The following FCHSD1 variants were observed in gnomAD, a reference collection of about 807,000 sequenced individuals.
The protein encoded by FCHSD1 is FCH and double SH3 domains 1.
A neutral mutation model predicts 101.3 loss-of-function variants in FCHSD1; 109 were observed. The observed-to-expected ratio is 1.08, with a 90% CI of 0.92 to 1.26. FCHSD1 has a LOEUF of 1.26. Among genes scored for constraint, FCHSD1 ranks in the 50% most tolerant of loss-of-function variants. The pLI, the probability that FCHSD1 is intolerant of heterozygous loss-of-function variation, is 0.00. For synonymous variants in FCHSD1, 291 were observed against 356.8 expected, an observed-to-expected ratio of 0.82 and a Z score of 2.08; for missense variants, 820 against 895.8, an observed-to-expected ratio of 0.92 and a Z score of 1.08.
Position 141,641,020 on chromosome 5 carries a change from C to T in FCHSD1, c.*478G>A. The stretch of plus-strand genomic sequence containing the variant: ...CAAGAGGCCCAGGCCCTGGCCTGGC[C>T]TTCGTGCCCTTTATTCATTGTCAAT... On this transcript the variant is annotated 3_prime_UTR_variant, in exon 20 of 20. Transcript: ENST00000435817. 1 of 387,932 alleles carries T rather than the reference C, an allele frequency of 2.6e-6. No homozygotes were observed. The highest frequency in any genetic ancestry group is 4.6e-6 in the Non-Finnish European group (1 of 217,500). 24.0% of individuals were successfully genotyped at this position (387,932 alleles called of 1,614,324 possible).
At chr5:141,643,831 A>G (rs1323185881) in intron 17 of FCHSD1, among the ~76,000 whole-genome samples, 1 of 150,952 alleles carries the variant, frequency 6.6e-6, no homozygotes, top group Non-Finnish European at 1.5e-5. Context: ...CTGGGCAACA[A>G]GAGCGAAACT....
Position 141,646,021 on chromosome 5 carries a change from A to G in FCHSD1, c.1149+66T>C, listed in dbSNP as rs1454622969. Reference sequence around the variant, plus strand: ...CCCTTCCTTCCTCCCACCATCAGAAAGAGGAGTAGAGGGAGTGGGGCTTGC... The same window carrying G: ...CCCTTCCTTCCTCCCACCATCAGAAGGAGGAGTAGAGGGAGTGGGGCTTGC... On this transcript the variant is annotated intron_variant, in intron 12 of 19. Transcript: ENST00000435817. 5 of 1,546,950 alleles carry G rather than the reference A, an allele frequency of 3.2e-6. No homozygotes were observed. The East Asian group carries it at 1.2e-4, about 37-fold the overall frequency.
Position 141,649,786 on chromosome 5 carries a change from G to T in FCHSD1, c.233+101C>A. ...TGTGTCAGCTCTACCTACAGCTCAC[G>T]TGCCTTCCCCACTTGCTAGGCCTTC... On this transcript the variant is annotated intron_variant, in intron 4 of 19. Transcript: ENST00000435817. This position sits in a 1 kb window ranked among gnomAD's most constrained non-coding sequence, Gnocchi z 4.1. 1 of 1,380,212 alleles carries T rather than the reference G, an allele frequency of 7.2e-7. No individual in the cohort carries two copies. Among genetic ancestry groups the T allele is most frequent in the Non-Finnish European group, 9.8e-7 (1 of 1,019,152 alleles). The allele number at this position is 1,380,212 out of a possible 1,614,324, so 85.5% of individuals were successfully genotyped here.
At chr5:141,646,025 G>T in intron 12 of FCHSD1, 62 bp downstream of exon 12, 1 of 1,552,840 alleles carries the variant, frequency 6.4e-7, no homozygotes, top group Non-Finnish European at 8.7e-7. Context: ...TCAGAAAGAG[G>T]AGTAGAGGGA....
Position 141,640,091 on chromosome 5 carries a change from G to A in FCHSD1, c.*1407C>T, listed in dbSNP as rs1236473571. 1.9e-6 allele frequency: 3 copies of A among 1,613,630 alleles called. No homozygotes were observed. Among genetic ancestry groups the A allele is most frequent in the Non-Finnish European group, 2.5e-6 (3 of 1,179,796 alleles). On this transcript the variant is annotated 3_prime_UTR_variant, in exon 20 of 20. Coordinates refer to ENST00000435817, the MANE Select transcript of FCHSD1 (RefSeq NM_033449.3). ...CTGCCATGGAGAGGCTGCCCCCTGA[G>A]AGGCCACAGCCCCAGGTCCTAGCCA...
rs374983485 is a variant in FCHSD1 at position 141,649,380 on chromosome 5, A to G, written c.375+15T>C. Reference sequence around the variant, plus strand: ...CCAAGCCAGCTCTTCCTTCACCCCAACCTCTGAGCCATACCTTCCTAAGCA... The same window carrying G: ...CCAAGCCAGCTCTTCCTTCACCCCAGCCTCTGAGCCATACCTTCCTAAGCA... On this transcript the variant is annotated intron_variant, in intron 5 of 19. Transcript: ENST00000435817. The surrounding 1 kb of genome is among the most constrained non-coding windows in gnomAD (Gnocchi z 4.1). The G allele has an allele frequency of 1.9e-6, 3 of 1,612,178 alleles. No individual in the cohort carries two copies. In the African/African-American group the frequency reaches 4.0e-5, roughly 22 times the overall value.
rs1394489396 is a variant in FCHSD1 at position 141,642,994 on chromosome 5, C to T, written c.1951+7G>A. ...GCCTCCCAAGGCTCCCAGTTCCTTC[C>T]ACTCACCCCCAGGCAGGACAGGTGC... On this transcript the variant is annotated splice_region_variant and intron_variant, in intron 18 of 19. Transcript: ENST00000435817. 2.6e-6 allele frequency: 4 copies of T among 1,559,788 alleles called. No homozygotes were observed. In the African/African-American group the frequency reaches 4.1e-5, roughly 16 times the overall value.
intron 16 of FCHSD1, 41 bp downstream of exon 16, chr5:141,644,532 C>G (rs755640892): frequency 6.2e-7 from 1 of 1,610,396 alleles, no homozygotes; most frequent in Non-Finnish European, 8.5e-7. Flanking sequence ...CAATTTTTCT[C>G]CATACCCAGG....
rs1417479247 is a variant in FCHSD1, at chr5:141,639,887, G to A, written c.*1611C>T. 1.2e-6 allele frequency: 2 copies of A among 1,610,370 alleles called. No homozygotes were observed. The highest frequency in any genetic ancestry group is 4.5e-5 in the East Asian group (2 of 44,866). ...GAGGGCCAAGCAGCCTCTGAGTTGT[G>A]GTCCTAAACCCCAGTGTTCCCTCCC... On this transcript the variant is annotated 3_prime_UTR_variant, in exon 20 of 20. Transcript: ENST00000435817. The surrounding 1 kb of genome is among the most constrained non-coding windows in gnomAD (Gnocchi z 4.4).
chr5:141,642,900 G>A, intron 18 of FCHSD1, 101 bp downstream of exon 18: 1 of 1,201,932 alleles, frequency 8.3e-7, no homozygotes, highest in South Asian at 1.4e-5. Flanking sequence ...CAAGCAAGAT[G>A]CCTGAAGGCA....
chr5:141,644,842 C>CG lies in FCHSD1; in HGVS notation c.1524+16dup. ...CTGCCCCCAACCCAAGGTCAGAGCC[C>CG]GGGGTCCCATACCCACCTTGACCCA... On this transcript the variant is annotated intron_variant, in intron 15 of 19. Coordinates refer to ENST00000435817, the MANE Select transcript of FCHSD1 (RefSeq NM_033449.3). 1 of 1,612,246 alleles carries CG rather than the reference C, an allele frequency of 6.2e-7. No individual in the cohort carries two copies. The highest frequency in any genetic ancestry group is 8.5e-7 in the Non-Finnish European group (1 of 1,179,182).
At chr5:141,648,884 A>G (rs2154598475) in intron 7 of FCHSD1, 73 bp downstream of exon 7, 1 of 1,545,492 alleles carries the variant, frequency 6.5e-7, no homozygotes, top group South Asian at 1.1e-5. Flanking sequence ...ATACATATGC[A>G]CCTATGTTCC....
In FCHSD1 at chr5:141,645,939, T is replaced by C. The variant is rs1218093282; in HGVS notation, c.1150-7A>G. 1.3e-6 allele frequency: 2 copies of C among 1,560,464 alleles called. No homozygotes were observed. Among genetic ancestry groups the C allele is most frequent in the South Asian group, 2.3e-5 (2 of 85,280 alleles). On this transcript the variant is annotated splice_polypyrimidine_tract_variant and splice_region_variant and intron_variant, in intron 12 of 19. Coordinates refer to ENST00000435817, the MANE Select transcript of FCHSD1 (RefSeq NM_033449.3). ...CCCCCTTCACCTGGCTCACCTGCCA[T>C]GGGGAGGAAGTAAGTTAGTGGAACC...
Position 141,649,591 on chromosome 5 carries a change from C to A in FCHSD1, c.234-55G>T. On this transcript the variant is annotated intron_variant, in intron 4 of 19. Transcript: ENST00000435817. The surrounding 1 kb of genome is among the most constrained non-coding windows in gnomAD (Gnocchi z 4.1). ...AGAGCACTCCACAGCTTCATGAGAC[C>A]ACCCCCACCCCCTGCCCCCTGACCA... 1.9e-6 allele frequency: 3 copies of A among 1,564,016 alleles called. No individual in the cohort carries two copies. In the South Asian group the frequency reaches 3.5e-5, roughly 18 times the overall value.
chr5:141,650,899 T>G (rs2099908298), intron 2 of FCHSD1, 121 bp downstream of exon 2: 5 of 918,402 alleles, frequency 5.4e-6, no homozygotes, highest in South Asian at 4.4e-5. Context: ...GGGTGAGGGC[T>G]GTGGATGGGT....
Position 141,649,285 on chromosome 5 carries a change from C to T in FCHSD1, c.399G>A (p.Ala133=), listed in dbSNP as rs112390736. 525 of 1,613,996 alleles carry T rather than the reference C, an allele frequency of 3.3e-4. 2 individuals carry two copies. In the African/African-American group the frequency reaches 5.9e-3, roughly 18 times the overall value. Residue 133 remains alanine, a synonymous_variant, in exon 6 of 20, where the codon GCG becomes GCA. Transcript: ENST00000435817. This position sits in a 1 kb window ranked among gnomAD's most constrained non-coding sequence, Gnocchi z 4.1. ...GGACAGACTGCAGCACCTCAGCCTGCGCCCTCTGGAGGTTCTCTGTTCCCT... is the reference window on the plus strand; with the variant it reads ...GGACAGACTGCAGCACCTCAGCCTGTGCCCTCTGGAGGTTCTCTGTTCCCT... The part of the protein sequence containing the change: ...LRKGTENLQR[A]QAEVLQSVRE...
At chr5:141,648,152 G>A in intron 7 of FCHSD1, 56 bp from the exon 8 acceptor site, 4 of 1,529,080 alleles carry the variant, frequency 2.6e-6, no homozygotes, top group Non-Finnish European at 3.5e-6. Context: ...GTCCTTCCAA[G>A]ACCAATTGAG....
rs772677708 is a variant in FCHSD1, at chr5:141,651,362, G to T, written c.7C>A (p.Pro3Thr). Residue 3 changes from proline to threonine, a missense_variant, in exon 1 of 20, where the codon CCG becomes ACG. Transcript: ENST00000435817. ...GCCAAGCTCACTTTTCGGGGCGGCG[G>T]CTGCATCTCCGCTCCAGCAAGGCGG... MQ[P>T]PPRKVKPAQE... 6.4e-6 allele frequency: 10 copies of T among 1,553,744 alleles called. No homozygotes were observed. The South Asian group carries it at 8.3e-5, about 13-fold the overall frequency.
chr5:141,639,523 T>G lies in FCHSD1; in HGVS notation c.*1975A>C. ...CCCTCCCATCATCACACAGTGCACC[T>G]GGGCTCTGCAGCCCCTTGCCTCCAT... On this transcript the variant is annotated 3_prime_UTR_variant, in exon 20 of 20. Transcript: ENST00000435817. The surrounding 1 kb of genome is among the most constrained non-coding windows in gnomAD (Gnocchi z 4.4). The G allele has an allele frequency of 6.2e-7, 1 of 1,613,946 alleles. No homozygotes were observed. Among genetic ancestry groups the G allele is most frequent in the South Asian group, 1.1e-5 (1 of 91,080 alleles).
Sources: allele counts gnomAD v4.1 joint callset (sites outside exome capture counted in the v4.1 genomes callset), GRCh38; gene constraint gnomAD v4.1.1; non-coding constraint Gnocchi (gnomAD v3.1); transcripts MANE v1.5; gene names NCBI Gene and HGNC (gene_info 2026-07-23, HGNC 2026-07-21).